The following CNTNAP2 variants were observed in gnomAD, a reference collection of about 807,000 sequenced individuals.
CNTNAP2 encodes the protein contactin associated protein 2.
A neutral mutation model predicts 155.2 loss-of-function variants in CNTNAP2; 98 were observed. That is an observed-to-expected ratio of 0.63 (90% confidence interval 0.54 to 0.75). The LOEUF (loss-of-function observed/expected upper bound fraction) is 0.75, where lower values mean the gene tolerates loss of function less well. Ranked by LOEUF, CNTNAP2 falls within the 30% of genes least tolerant of loss-of-function variation. The probability of loss-of-function intolerance (pLI) is 0.00; values close to 1 mark genes in which losing one functional copy is unlikely to be tolerated. For synonymous variants in CNTNAP2, 651 were observed against 631.2 expected, an observed-to-expected ratio of 1.03 and a Z score of -0.47; for missense variants, 1,727 against 1,688.1, an observed-to-expected ratio of 1.02 and a Z score of -0.40.
intron 1 of CNTNAP2, among the ~76,000 whole-genome samples, chr7:146,215,628 AT>A (rs1188379955): frequency 2.3e-5 from 3 of 128,456 alleles, no homozygotes; most frequent in East Asian, 4.3e-4. Context: ...ATATATATAT[AT>A]TTTTTTACTT....
At chr7:146,404,141 A>AAC (rs1795756847) in intron 1 of CNTNAP2, among the ~76,000 whole-genome samples, 1 of 147,428 alleles carries the variant, frequency 6.8e-6, no homozygotes, top group East Asian at 1.9e-4. Context: ...AAAAAAAAAA[A>AAC]ACAAAGAACT....
At chr7:147,912,638 C>A (rs956312114) in intron 14 of CNTNAP2, among the ~76,000 whole-genome samples, 2 of 152,202 alleles carry the variant, frequency 1.3e-5, no homozygotes, top group Admixed American at 6.5e-5. Context: ...AGGAGCCCAG[C>A]CCCTGAGACC....
chr7:147,268,653 G>A (rs1331797560), intron 8 of CNTNAP2, among the ~76,000 whole-genome samples: 1 of 151,974 alleles, frequency 6.6e-6, no homozygotes, highest in African/African-American at 2.4e-5. Flanking sequence ...AGAACTGACA[G>A]CATTATAATG....
chr7:147,163,544 T>C (rs1469033370), intron 8 of CNTNAP2, among the ~76,000 whole-genome samples: 1 of 152,208 alleles, frequency 6.6e-6, no homozygotes, highest in East Asian at 1.9e-4. Flanking sequence ...ACTACAACCT[T>C]AGGAAATCCT....
chr7:147,243,602 TTAATC>T (rs1436069056), intron 8 of CNTNAP2, among the ~76,000 whole-genome samples: 11 of 152,314 alleles, frequency 7.2e-5, no homozygotes, highest in Non-Finnish European at 8.8e-5. Flanking sequence ...TTCAATCTAT[TTAATC>T]TATTGCTTAT....
chr7:146,860,735 A>T (rs1795082630), intron 3 of CNTNAP2, among the ~76,000 whole-genome samples: 2 of 152,180 alleles, frequency 1.3e-5, no homozygotes, highest in African/African-American at 2.4e-5. Flanking sequence ...ATTGAAAAAA[A>T]ATTTCTTGGA....
intron 1 of CNTNAP2, among the ~76,000 whole-genome samples, chr7:146,526,665 A>G (rs750596716): frequency 2.0e-5 from 3 of 152,176 alleles, no homozygotes; most frequent in Non-Finnish European, 4.4e-5. Flanking sequence ...GGGGATGTAC[A>G]TTCAAACTGT....
intron 1 of CNTNAP2, among the ~76,000 whole-genome samples, chr7:146,126,013 AG>A (rs1199958768): frequency 6.6e-6 from 1 of 152,176 alleles, no homozygotes; most frequent in East Asian, 1.9e-4. Flanking sequence ...CTTTCAAATC[AG>A]GCACTACTCT....
rs562159651 is a variant in CNTNAP2, at chr7:148,276,394, A to G, written c.3475+9268A>G. 1.2e-4 allele frequency among the ~76,000 whole-genome samples: 18 copies of G among 152,340 alleles called. 1 individual carries two copies. The South Asian group carries it at 3.5e-3, about 30-fold the overall frequency. The stretch of plus-strand genomic sequence containing the variant: ...AGGACACTCTGGAAGACAGTGCGAG[A>G]CATGCCTCCGAGTGTCCCAACCAAG... On this transcript the variant is annotated intron_variant, in intron 21 of 23. Transcript: ENST00000361727.
chr7:147,561,044 G>A (rs73164318), intron 11 of CNTNAP2, among the ~76,000 whole-genome samples: 3 of 151,818 alleles, frequency 2.0e-5, no homozygotes, highest in African/African-American at 7.3e-5. Flanking sequence ...AACTACTGAG[G>A]TTTGTGCATA....
intron 1 of CNTNAP2, among the ~76,000 whole-genome samples, chr7:146,362,863 C>T (rs556406872): frequency 2.2e-4 from 33 of 150,868 alleles, no homozygotes; most frequent in Admixed American, 1.1e-3. Context: ...CCCCGCCTCC[C>T]GGGTTCAAGA....
intron 21 of CNTNAP2, among the ~76,000 whole-genome samples, chr7:148,360,330 G>A (rs1429383861): frequency 6.6e-6 from 1 of 152,198 alleles, no homozygotes; most frequent in Non-Finnish European, 1.5e-5. Context: ...GCAATTGAGT[G>A]GTGAAGAGAA....
intron 15 of CNTNAP2, among the ~76,000 whole-genome samples, chr7:148,041,865 A>T (rs1383840874): frequency 6.6e-6 from 1 of 152,236 alleles, no homozygotes; most frequent in African/African-American, 2.4e-5. Context: ...TCCACGGAAT[A>T]TATACAATAA....
chr7:148,126,104 A>G (rs1404358887), intron 16 of CNTNAP2, among the ~76,000 whole-genome samples: 1 of 152,180 alleles, frequency 6.6e-6, no homozygotes, highest in African/African-American at 2.4e-5. Flanking sequence ...GGAGAAGGAG[A>G]AAAGTTTCCT....
At chr7:146,712,797 A>G (rs1563199558) in intron 1 of CNTNAP2, among the ~76,000 whole-genome samples, 1 of 151,248 alleles carries the variant, frequency 6.6e-6, no homozygotes. Context: ...TTCATATTTT[A>G]CTCCTTTCTG....
At chr7:147,105,776 G>GA in intron 4 of CNTNAP2, among the ~76,000 whole-genome samples, 1 of 152,142 alleles carries the variant, frequency 6.6e-6, no homozygotes, top group East Asian at 1.9e-4. Flanking sequence ...AGATAGGTGG[G>GA]AAAATATGTT....
At chr7:147,567,812 A>G (rs12536268) in intron 12 of CNTNAP2, among the ~76,000 whole-genome samples, 416 of 152,302 alleles carry the variant, frequency 2.7e-3, no homozygotes, top group Middle Eastern at 0.01. Context: ...TTGGCCGGGC[A>G]CGGCGGCTCA....
intron 9 of CNTNAP2, among the ~76,000 whole-genome samples, chr7:147,344,193 AT>A (rs1385584085): frequency 6.6e-6 from 1 of 152,220 alleles, no homozygotes; most frequent in Non-Finnish European, 1.5e-5. Context: ...AGTAGCGCTG[AT>A]TTAGAATCAT....
At chr7:147,063,363 A>T (rs1799719068) in intron 4 of CNTNAP2, among the ~76,000 whole-genome samples, 1 of 73,744 alleles carries the variant, frequency 1.4e-5, no homozygotes, top group Admixed American at 1.4e-4. Context: ...CTTTGTTGGT[A>T]AAAAAAAATG....
Sources: allele counts gnomAD v4.1 joint callset (sites outside exome capture counted in the v4.1 genomes callset), GRCh38; gene constraint gnomAD v4.1.1; transcripts MANE v1.5; gene names NCBI Gene and HGNC (gene_info 2026-07-23, HGNC 2026-07-21).